TMEM144: variants seen among roughly 807,000 people sequenced by gnomAD.
TMEM144 encodes the protein transmembrane protein 144.
TMEM144 carries 39 observed loss-of-function variants against 43.6 expected under a neutral mutation model. The ratio of observed to expected loss-of-function variants is 0.90; its 90% CI spans 0.69 to 1.17. The LOEUF (loss-of-function observed/expected upper bound fraction) is 1.17, where lower values mean the gene tolerates loss of function less well. Ranked by LOEUF, TMEM144 falls within the 50% of genes most tolerant of loss-of-function variation. The pLI, the probability that TMEM144 is intolerant of heterozygous loss-of-function variation, is 0.00. For missense variants in TMEM144, 417 were observed against 411.9 expected, an observed-to-expected ratio of 1.01 and a Z score of -0.11; for synonymous variants, 154 against 133.6, an observed-to-expected ratio of 1.15 and a Z score of -1.06.
Position 158,212,676 on chromosome 4 carries a change from C to T in TMEM144, c.9C>T (p.Asn3=), listed in dbSNP as rs760090570. ...TCATTAAGACTGGAATCATGAGCAA[C>T]AATGGAGCAGACCTAACCTTTGGTT... MS[N]NGADLTFGYI... is the part of the protein sequence containing the mutation. Residue 3 remains asparagine (N), a synonymous_variant, in exon 3 of 13, where the codon AAC becomes AAT. Coordinates refer to ENST00000296529, the MANE Select transcript of TMEM144 (RefSeq NM_018342.5). The T allele has an allele frequency of 4.9e-5, 79 of 1,610,632 alleles. No homozygotes were observed. The highest frequency in any genetic ancestry group is 6.2e-5 in the Non-Finnish European group (73 of 1,178,692).
At position 158,253,637 on chromosome 4, in the gene TMEM144, G is replaced by A. The variant is rs568651081; in HGVS notation, c.*110G>A. 4.3e-4 allele frequency: 356 copies of A among 831,816 alleles called. 3 individuals carry two copies. In the South Asian group the frequency reaches 5.8e-3, roughly 14 times the overall value. The allele number at this position is 831,816 out of a possible 1,614,324, so 51.5% of individuals were successfully genotyped here. A position where few individuals can be genotyped will look rare whatever the true frequency, so the allele number is the denominator to read the frequency against. On this transcript the variant is annotated 3_prime_UTR_variant, in exon 13 of 13. Coordinates refer to ENST00000296529, the MANE Select transcript of TMEM144 (RefSeq NM_018342.5). Reference sequence around the variant, plus strand: ...ATTTTCATATAGCAAATGGATCTCAGCCACTGTTGGAGTGGGTAAATGATT... The same window carrying A: ...ATTTTCATATAGCAAATGGATCTCAACCACTGTTGGAGTGGGTAAATGATT...
intron 8 of TMEM144, 77 bp from the exon 9 acceptor site, chr4:158,237,448 G>T: frequency 2.6e-6 from 3 of 1,151,964 alleles, no homozygotes; most frequent in Non-Finnish European, 3.8e-6. Flanking sequence ...TTTGAAGCAT[G>T]TTTATGATTC....
intron 6 of TMEM144, among the ~76,000 whole-genome samples, chr4:158,223,764 A>G (rs1734618367): frequency 6.6e-6 from 1 of 152,224 alleles, no homozygotes; most frequent in African/African-American, 2.4e-5. Context: ...ATGGCTGCAA[A>G]GTATTCCATG....
At chr4:158,248,376 GA>G (rs1204054057) in intron 12 of TMEM144, among the ~76,000 whole-genome samples, 1 of 152,112 alleles carries the variant, frequency 6.6e-6, no homozygotes, top group African/African-American at 2.4e-5. Flanking sequence ...AGATTGCAGT[GA>G]GCCAAGATTG....
At chr4:158,242,528 T>C (rs1735682391) in intron 11 of TMEM144, among the ~76,000 whole-genome samples, 1 of 152,228 alleles carries the variant, frequency 6.6e-6, no homozygotes, top group Admixed American at 6.5e-5. Context: ...TTTATCAGAA[T>C]ACATTTTAAA....
chr4:158,248,852 A>T (rs1415538291), intron 12 of TMEM144, among the ~76,000 whole-genome samples: 1 of 152,216 alleles, frequency 6.6e-6, no homozygotes, highest in East Asian at 1.9e-4. Context: ...GATTCCATTT[A>T]GTTTTAATGC....
Position 158,232,903 on chromosome 4 carries a change from C to T in TMEM144, c.416C>T (p.Ala139Val). The T allele has an allele frequency of 6.2e-7, 1 of 1,604,944 alleles. No individual in the cohort carries two copies. Among genetic ancestry groups the T allele is most frequent in the East Asian group, 2.2e-5 (1 of 44,690 alleles). The change falls in exon 7 of 13, where the codon GCT (alanine) becomes GTT (valine). Residue 139 changes from alanine to valine, a missense_variant and splice_region_variant. Ala to Val is a moderately conservative substitution (Grantham distance 64, BLOSUM62 0). Coordinates refer to ENST00000296529, the MANE Select transcript of TMEM144 (RefSeq NM_018342.5). The stretch of plus-strand genomic sequence containing the variant: ...ACTAAAATTTATTTTCCTTACAGTG[C>T]TTTCATATTTTTGTTCATCAAAAGT... ...YIGAGLSVVS[A>V]FIFLFIKSEI... is the part of the protein sequence containing the mutation.
chr4:158,218,073 T>C (rs142388700), intron 5 of TMEM144, among the ~76,000 whole-genome samples: 1,562 of 152,306 alleles, frequency 0.01, 17 homozygotes, highest in African/African-American at 0.033. Context: ...AGAAAAAGTT[T>C]GCCAGTCCCA....
At chr4:158,253,344 T>C in intron 12 of TMEM144, 100 bp from the exon 13 acceptor site, 1 of 989,996 alleles carries the variant, frequency 1.0e-6, no homozygotes, top group Non-Finnish European at 1.5e-6. Context: ...TACAGGCGGC[T>C]AGAGCAGATG....
intron 6 of TMEM144, among the ~76,000 whole-genome samples, chr4:158,231,713 G>A (rs1360787526): frequency 1.3e-5 from 2 of 152,130 alleles, no homozygotes; most frequent in Non-Finnish European, 2.9e-5. Context: ...GTGAAAAATT[G>A]GGGAGGGGGG....
In TMEM144 at chr4:158,244,593, C is replaced by T. The variant is rs554919236; in HGVS notation, c.954+244C>T. 5.9e-5 allele frequency among the ~76,000 whole-genome samples: 9 copies of T among 152,188 alleles called. No individual in the cohort carries two copies. In the East Asian group the frequency reaches 1.7e-3, roughly 29 times the overall value. On this transcript the variant is annotated intron_variant, in intron 12 of 12. Transcript: ENST00000296529. The stretch of plus-strand genomic sequence containing the variant: ...GGCTGAGGCAGAGAATTGCTTGAAC[C>T]CGGGAGGCGGAGGTTGCAGTGAGTC...
chr4:158,237,737 A>C, intron 9 of TMEM144, 94 bp downstream of exon 9: 1 of 881,952 alleles, frequency 1.1e-6, no homozygotes, highest in Admixed American at 2.6e-5. Context: ...GGTCGATTCG[A>C]TCTTTCTTTG....
intron 3 of TMEM144, chr4:158,213,563 G>A (rs1264540171): frequency 1.3e-5 from 2 of 152,206 alleles, no homozygotes; most frequent in Admixed American, 1.3e-4. Context: ...ATAGTGCAGT[G>A]ATTTCAAGGA....
intron 6 of TMEM144, among the ~76,000 whole-genome samples, chr4:158,219,648 A>G (rs1412364482): frequency 6.6e-6 from 1 of 152,220 alleles, no homozygotes; most frequent in Non-Finnish European, 1.5e-5. Flanking sequence ...TAGTTTTATC[A>G]TCTATAATAT....
At chr4:158,253,330 A>T in intron 12 of TMEM144, 114 bp from the exon 13 acceptor site, 1 of 794,494 alleles carries the variant, frequency 1.3e-6, no homozygotes, top group Non-Finnish European at 2.0e-6. Context: ...GTAGCAAAAA[A>T]GGGTACAGGC....
rs1735538632 is a variant in TMEM144 at position 158,239,884 on chromosome 4, TG to T, written c.683-411del. ...AACTAGGATGATTAAATATAATTAA[TG>T]GGGTTTTTTTTTTTTTTTGAGACAG... On this transcript the variant is annotated intron_variant, in intron 9 of 12. Transcript: ENST00000296529. Among the ~76,000 whole-genome samples the T allele has an allele frequency of 2.6e-5, 4 of 151,222 alleles. No individual in the cohort carries two copies. The South Asian group carries it at 8.4e-4, about 32-fold the overall frequency.
In TMEM144 at chr4:158,215,299, G is replaced by A. The variant is rs1734166552; in HGVS notation, c.218G>A (p.Cys73Tyr). The change falls in exon 4 of 13, where the codon TGC becomes TAC. Residue 73 changes from cysteine (C) to tyrosine (Y), a missense_variant. Transcript: ENST00000296529. ...TGGCCTTTTGCAATGCTTGGGGGCT[G>A]CATTTGGGCAACAGGTAATGTCTGA... ...KFWPFAMLGG[C>Y]IWATGNIAVV... 6.2e-7 allele frequency: 1 copy of A among 1,613,534 alleles called. No individual in the cohort carries two copies. Among genetic ancestry groups the A allele is most frequent in the African/African-American group, 1.3e-5 (1 of 75,018 alleles).
In TMEM144 at chr4:158,238,525, G is replaced by T. The variant is rs554218000; in HGVS notation, c.682+882G>T. Reference sequence around the variant, plus strand: ...TAAAATTTTATACAAATACTTTTTTGCATTTTTACAAAAAGATAGAAATTA... The same window carrying T: ...TAAAATTTTATACAAATACTTTTTTTCATTTTTACAAAAAGATAGAAATTA... On this transcript the variant is annotated intron_variant, in intron 9 of 12. Coordinates refer to ENST00000296529, the MANE Select transcript of TMEM144 (RefSeq NM_018342.5). Among the ~76,000 whole-genome samples, 517 of 151,644 alleles carry T rather than the reference G, an allele frequency of 3.4e-3. 2 individuals are homozygous for T. The highest frequency in any genetic ancestry group is 0.011 in the African/African-American group (459 of 41,386).
intron 3 of TMEM144, among the ~76,000 whole-genome samples, chr4:158,214,168 C>T (rs1200466253): frequency 6.6e-6 from 1 of 152,116 alleles, no homozygotes. Context: ...TGCCAAGTAG[C>T]TGGAACTACA....
Sources: gnomAD v4.1 joint callset for allele counts (sites outside exome capture counted in the v4.1 genomes callset) on GRCh38, gnomAD v4.1.1 for gene constraint, MANE v1.5 for transcripts, NCBI Gene and HGNC (gene_info 2026-07-23, HGNC 2026-07-21) for gene names.